Variants in ZNF385D observed in about 807,000 individuals in gnomAD.
ZNF385D encodes zinc finger protein 659.
ZNF385D carries 15 observed loss-of-function variants against 35.8 expected under a neutral mutation model. The ratio of observed to expected loss-of-function variants is 0.42; its 90% CI spans 0.28 to 0.64. ZNF385D has a LOEUF of 0.64. Among genes scored for constraint, ZNF385D ranks in the 30% least tolerant of loss-of-function variants. The probability of loss-of-function intolerance (pLI) is 0.23; values close to 1 mark genes in which losing one functional copy is unlikely to be tolerated. For synonymous variants in ZNF385D, 212 were observed against 186.8 expected (o/e 1.13, Z -1.10); for missense variants, 474 against 494.6 (o/e 0.96, Z 0.39).
chr3:22,340,365 G>A (rs531618703), intron 2 of ZNF385D, among the ~76,000 whole-genome samples: 3 of 152,274 alleles, frequency 2.0e-5, no homozygotes, highest in African/African-American at 7.2e-5. Context: ...TAAGAAGTGA[G>A]GTGGGCGTGG....
rs533361208 is a variant in ZNF385D at position 22,195,849 on chromosome 3, A to G, written c.107-26814T>C. Among the ~76,000 whole-genome samples the G allele has an allele frequency of 2.6e-5, 4 of 152,206 alleles. No homozygotes were observed. In the East Asian group the frequency reaches 7.7e-4, roughly 29 times the overall value. On this transcript the variant is annotated intron_variant, in intron 2 of 5. Transcript: ENST00000494108. ...ATGAAATATTATACAGCCATAAAAA[A>G]GAACAAGATCATGTTCTTTGCAGGG... is the stretch of plus-strand genomic sequence containing the variant.
At chr3:21,502,855 A>G (rs1250071504) in intron 4 of ZNF385D, among the ~76,000 whole-genome samples, 6 of 152,296 alleles carry the variant, frequency 3.9e-5, no homozygotes, top group Non-Finnish European at 7.3e-5. Flanking sequence ...GAAAAGAAAA[A>G]GCACTCCAGG....
intron 1 of ZNF385D, among the ~76,000 whole-genome samples, chr3:21,679,393 G>A (rs9854361): frequency 0.014 from 2,133 of 151,786 alleles, 49 homozygotes; most frequent in African/African-American, 0.048. Context: ...CTTACATTTT[G>A]TTTGCTAGTA....
chr3:22,298,049 T>C (rs1057401956), intron 2 of ZNF385D, among the ~76,000 whole-genome samples: 4 of 152,028 alleles, frequency 2.6e-5, no homozygotes, highest in African/African-American at 9.6e-5. Flanking sequence ...GAGGGAAGAG[T>C]ATGTTTCAGA....
intron 2 of ZNF385D, among the ~76,000 whole-genome samples, chr3:21,590,984 C>T (rs1285095124): frequency 1.3e-5 from 2 of 151,760 alleles, no homozygotes; most frequent in African/African-American, 4.8e-5. Flanking sequence ...CACTTGAGCC[C>T]AGAAGTTTGA....
intron 2 of ZNF385D, among the ~76,000 whole-genome samples, chr3:22,180,177 G>C (rs957641112): frequency 2.0e-5 from 3 of 152,184 alleles, no homozygotes; most frequent in Admixed American, 1.3e-4. Context: ...AAGTAAACTA[G>C]AAATCTGGAA....
At chr3:22,015,278 A>T (rs549099985) in intron 3 of ZNF385D, among the ~76,000 whole-genome samples, 4 of 152,308 alleles carry the variant, frequency 2.6e-5, no homozygotes, top group South Asian at 4.1e-4. Flanking sequence ...ATAAATACTG[A>T]TAACAGCTAA....
At chr3:22,132,851 G>T (rs13322025) in intron 3 of ZNF385D, among the ~76,000 whole-genome samples, 2,793 of 151,986 alleles carry the variant, frequency 0.018, 35 homozygotes, top group Non-Finnish European at 0.026. Context: ...TATGTAAAGC[G>T]CTAAAGATAT....
At chr3:21,723,811 T>A (rs912494985) in intron 1 of ZNF385D, among the ~76,000 whole-genome samples, 1 of 152,018 alleles carries the variant, frequency 6.6e-6, no homozygotes, top group African/African-American at 2.4e-5. Flanking sequence ...ACCACGAAGA[T>A]ACTCCTTGAG....
intron 2 of ZNF385D, among the ~76,000 whole-genome samples, chr3:22,176,732 T>A (rs1694854563): frequency 6.6e-6 from 1 of 152,162 alleles, no homozygotes; most frequent in African/African-American, 2.4e-5. Context: ...CTATTTTGAG[T>A]CCTCAGTTTC....
At chr3:21,947,166 G>C (rs628155) in intron 3 of ZNF385D, among the ~76,000 whole-genome samples, 13 of 151,824 alleles carry the variant, frequency 8.6e-5, no homozygotes, top group African/African-American at 2.9e-4. Context: ...TGGATATAAG[G>C]AACACTGAAT....
intron 3 of ZNF385D, among the ~76,000 whole-genome samples, chr3:22,016,745 GC>G (rs1696910787): frequency 6.6e-6 from 1 of 151,442 alleles, no homozygotes; most frequent in Non-Finnish European, 1.5e-5. Flanking sequence ...ATAGTCCTCT[GC>G]TGTGTTAAAG....
chr3:22,013,644 T>C (rs1340965876), intron 3 of ZNF385D, among the ~76,000 whole-genome samples: 1 of 152,028 alleles, frequency 6.6e-6, no homozygotes, highest in African/African-American at 2.4e-5. Flanking sequence ...ATTAAGAAGG[T>C]GATTAGCTGA....
chr3:22,336,945 TGTTA>T lies in ZNF385D; in HGVS notation c.106+35501_106+35504del, dbSNP rs1285702560. ...AAAAAAAAAAAAAAAAAACCCTTAC[TGTTA>T]GTGAGGAGAGAATATTTTATGCTCC... is the stretch of plus-strand genomic sequence containing the variant. On this transcript the variant is annotated intron_variant, in intron 2 of 5. Coordinates refer to the ZNF385D transcript ENST00000494108. 8.0e-4 allele frequency among the ~76,000 whole-genome samples: 22 copies of T among 27,592 alleles called. No homozygotes were observed. The East Asian group carries it at 0.035, about 43-fold the overall frequency. 18.1% of individuals were successfully genotyped at this position (27,592 alleles called of 152,430 possible).
At chr3:22,065,084 C>G (rs755201841) in intron 3 of ZNF385D, among the ~76,000 whole-genome samples, 23 of 152,126 alleles carry the variant, frequency 1.5e-4, no homozygotes, top group African/African-American at 4.8e-4. Context: ...AATTAGTTAG[C>G]CTTTCCTGGC....
chr3:21,958,136 T>G (rs1442050439), intron 3 of ZNF385D, among the ~76,000 whole-genome samples: 1 of 152,116 alleles, frequency 6.6e-6, no homozygotes, highest in Non-Finnish European at 1.5e-5. Flanking sequence ...ATCTCCTTAT[T>G]TGTTTTCAAA....
intron 2 of ZNF385D, among the ~76,000 whole-genome samples, chr3:21,659,140 A>G (rs1431864381): frequency 6.6e-6 from 1 of 151,854 alleles, no homozygotes; most frequent in East Asian, 1.9e-4. Flanking sequence ...AGTGTCTACT[A>G]TTGTCAGACA....
chr3:21,915,552 T>C (rs1700154976), intron 3 of ZNF385D, among the ~76,000 whole-genome samples: 1 of 152,118 alleles, frequency 6.6e-6, no homozygotes, highest in Non-Finnish European at 1.5e-5. Context: ...TTGCCTGTAT[T>C]GATGCTTTGT....
At chr3:22,327,488 T>G (rs898171791) in intron 2 of ZNF385D, among the ~76,000 whole-genome samples, 2 of 152,168 alleles carry the variant, frequency 1.3e-5, no homozygotes, top group East Asian at 3.9e-4. Context: ...CAGAAATTAA[T>G]GAAAGTTATA....
Sources: gnomAD v4.1 joint callset for allele counts (sites outside exome capture counted in the v4.1 genomes callset) on GRCh38, gnomAD v4.1.1 for gene constraint, MANE v1.5 for transcripts, NCBI Gene and HGNC (gene_info 2026-07-23, HGNC 2026-07-21) for gene names.